Variants in AMPH observed in about 807,000 individuals in gnomAD.
AMPH encodes amphiphysin.
AMPH carries 49 observed loss-of-function variants against 99.1 expected under a neutral mutation model. The observed-to-expected ratio is 0.49, with a 90% CI of 0.39 to 0.63. The LOEUF (loss-of-function observed/expected upper bound fraction) is 0.63, where lower values mean the gene tolerates loss of function less well. Among genes scored for constraint, AMPH ranks in the 20% least tolerant of loss-of-function variants. The pLI, the probability that AMPH is intolerant of heterozygous loss-of-function variation, is 0.00. For synonymous variants in AMPH, 314 were observed against 317.3 expected (o/e 0.99, Z 0.11); for missense variants, 759 against 863.4 (o/e 0.88, Z 1.52).
At chr7:38,472,823 G>C (rs1249189781) in intron 7 of AMPH, among the ~76,000 whole-genome samples, 1 of 152,122 alleles carries the variant, frequency 6.6e-6, no homozygotes, top group East Asian at 1.9e-4. Context: ...ACCAGAAAAG[G>C]GGAAAGGTTT....
At chr7:38,616,643 A>C (rs1173275193) in intron 1 of AMPH, among the ~76,000 whole-genome samples, 1 of 152,230 alleles carries the variant, frequency 6.6e-6, no homozygotes, top group African/African-American at 2.4e-5. Flanking sequence ...GTACACTATA[A>C]TATAATTTAT....
At chr7:38,416,241 T>C (rs1280152919) in intron 17 of AMPH, among the ~76,000 whole-genome samples, 1 of 151,594 alleles carries the variant, frequency 6.6e-6, no homozygotes, top group Non-Finnish European at 1.5e-5. Context: ...TTTGTTGAAA[T>C]GAGGATGGGT....
chr7:38,527,284 T>C (rs116967426), intron 2 of AMPH, among the ~76,000 whole-genome samples: 1,843 of 152,352 alleles, frequency 0.012, 20 homozygotes, highest in Non-Finnish European at 0.021. Context: ...TCTATGGTCA[T>C]AAAAAACATG....
intron 2 of AMPH, among the ~76,000 whole-genome samples, chr7:38,513,611 T>C (rs1195971277): frequency 6.6e-6 from 1 of 152,176 alleles, no homozygotes; most frequent in Non-Finnish European, 1.5e-5. Context: ...AAGACTTTTG[T>C]GCACTAGACC....
intron 1 of AMPH, among the ~76,000 whole-genome samples, chr7:38,542,230 C>T (rs891887387): frequency 1.4e-4 from 21 of 152,242 alleles, no homozygotes; most frequent in Admixed American, 6.5e-4. Flanking sequence ...AGTATCCAAC[C>T]CAGAGTATAA....
At chr7:38,496,231 G>A (rs1429268766) in intron 3 of AMPH, among the ~76,000 whole-genome samples, 1 of 152,168 alleles carries the variant, frequency 6.6e-6, no homozygotes, top group Non-Finnish European at 1.5e-5. Context: ...GCTAATTCTG[G>A]GTTCAACTGT....
At chr7:38,465,919 G>A (rs528370507) in intron 8 of AMPH, among the ~76,000 whole-genome samples, 1 of 152,036 alleles carries the variant, frequency 6.6e-6, no homozygotes, top group South Asian at 2.1e-4. Flanking sequence ...AATACCACTG[G>A]GAATTCCAAC....
At chr7:38,514,867 T>C (rs62443506) in intron 2 of AMPH, among the ~76,000 whole-genome samples, 55,474 of 152,048 alleles carry the variant, frequency 0.36, 10,800 homozygotes, top group Non-Finnish European at 0.44. Context: ...GCTGTTGCTA[T>C]AACAAATACC....
chr7:38,417,544 T>G (rs2270294), intron 17 of AMPH, among the ~76,000 whole-genome samples: 16,546 of 152,250 alleles, frequency 0.11, 1,268 homozygotes, highest in East Asian at 0.24. Context: ...GAACAAAGCA[T>G]TAACAGGTCT....
Position 38,384,032 on chromosome 7 carries a change from G to C in AMPH, c.*786C>G, listed in dbSNP as rs1218423465. 6.6e-6 allele frequency: 1 copy of C among 152,458 alleles called. No individual in the cohort carries two copies. Among genetic ancestry groups the C allele is most frequent in the African/African-American group, 2.4e-5 (1 of 41,468 alleles). The allele number at this position is 152,458 out of a possible 1,614,324, so 9.4% of individuals were successfully genotyped here. A position where few individuals can be genotyped will look rare whatever the true frequency, so the allele number is the denominator to read the frequency against. On this transcript the variant is annotated 3_prime_UTR_variant, in exon 21 of 21. Transcript: ENST00000356264. ...TAAATCAGGCCCTGCCTTCTCTGAG[G>C]GTGCCTCAGTGTAGTCGTGCTATCT...
At chr7:38,457,483 C>A (rs1787276788) in intron 11 of AMPH, among the ~76,000 whole-genome samples, 1 of 152,108 alleles carries the variant, frequency 6.6e-6, no homozygotes, top group East Asian at 1.9e-4. Flanking sequence ...AACTTTAAGA[C>A]AGGTCTTTGA....
chr7:38,511,318 A>G (rs539645923), intron 2 of AMPH, among the ~76,000 whole-genome samples: 3 of 152,254 alleles, frequency 2.0e-5, no homozygotes, highest in African/African-American at 4.8e-5. Context: ...AGGAAGATGC[A>G]TGATGAAAAA....
chr7:38,433,100 A>T (rs1786101999), intron 12 of AMPH, among the ~76,000 whole-genome samples: 1 of 152,216 alleles, frequency 6.6e-6, no homozygotes, highest in Non-Finnish European at 1.5e-5. Context: ...AAATGTCAAC[A>T]GCAAACTAGA....
chr7:38,422,350 A>T, intron 16 of AMPH, 71 bp downstream of exon 16: 1 of 1,286,520 alleles, frequency 7.8e-7, no homozygotes, highest in Non-Finnish European at 1.1e-6. Flanking sequence ...TAGACAGCCT[A>T]GAATGATCAG....
chr7:38,566,315 T>A (rs1791742100), intron 1 of AMPH, among the ~76,000 whole-genome samples: 2 of 152,120 alleles, frequency 1.3e-5, no homozygotes, highest in African/African-American at 2.4e-5. Flanking sequence ...ATTGTTTTTT[T>A]TTTGTTTTGA....
intron 12 of AMPH, among the ~76,000 whole-genome samples, chr7:38,432,621 CA>C (rs1584083582): frequency 5.6e-5 from 8 of 143,366 alleles, no homozygotes; most frequent in African/African-American, 1.3e-4. Flanking sequence ...CACACACACA[CA>C]CCTCATTAAA....
intron 1 of AMPH, among the ~76,000 whole-genome samples, chr7:38,630,454 T>G (rs953502337): frequency 6.6e-6 from 1 of 152,038 alleles, no homozygotes; most frequent in Admixed American, 6.5e-5. Flanking sequence ...AAAAAATAAA[T>G]TACTGTGCGC....
intron 12 of AMPH, among the ~76,000 whole-genome samples, chr7:38,432,496 A>C (rs918458070): frequency 6.6e-5 from 10 of 152,092 alleles, no homozygotes; most frequent in Non-Finnish European, 1.2e-4. Context: ...CTTAAATGGC[A>C]CTTAGCTTTG....
intron 1 of AMPH, among the ~76,000 whole-genome samples, chr7:38,547,745 T>C (rs965075102): frequency 6.6e-6 from 1 of 152,194 alleles, no homozygotes; most frequent in African/African-American, 2.4e-5. Flanking sequence ...ATGTGTAATA[T>C]GTACATTGGT....
Sources: gnomAD v4.1 joint callset for allele counts (sites outside exome capture counted in the v4.1 genomes callset) on GRCh38, gnomAD v4.1.1 for gene constraint, MANE v1.5 for transcripts, NCBI Gene and HGNC (gene_info 2026-07-23, HGNC 2026-07-21) for gene names.